The following IL2RB variants were observed in gnomAD, a reference collection of about 807,000 sequenced individuals.
IL2RB encodes the protein interleukin 2 receptor subunit beta.
IL2RB carries 17 observed loss-of-function variants against 44.2 expected under a neutral mutation model. The ratio of observed to expected loss-of-function variants is 0.38; its 90% CI spans 0.26 to 0.58. The LOEUF (loss-of-function observed/expected upper bound fraction) is 0.58, where lower values mean the gene tolerates loss of function less well. IL2RB is among the 20% of genes least tolerant of loss of function. IL2RB has a pLI of 0.63. For synonymous variants in IL2RB, 286 were observed against 297.9 expected (o/e 0.96, Z 0.41); for missense variants, 624 against 685.5 (o/e 0.91, Z 1.00).
At chr22:37,135,501 C>A in intron 7 of IL2RB, 59 bp from the exon 8 acceptor site, 1 of 1,116,692 alleles carries the variant, frequency 9.0e-7, no homozygotes, top group Non-Finnish European at 1.4e-6. Context: ...CTCACTCACC[C>A]TGGGTCGGTC....
rs544234698 is a variant in IL2RB at position 37,146,363 on chromosome 22, G to A, written c.-33-2158C>T. ...CCCATTTTCGAGGCTTTCTGGGACC[G>A]GAATGAGGTCAGCCCACCCTTCCAG... On this transcript the variant is annotated intron_variant, in intron 1 of 9. Transcript: ENST00000216223. Among the ~76,000 whole-genome samples the A allele has an allele frequency of 4.9e-4, 74 of 152,248 alleles. 1 individual carries two copies. The highest frequency in any genetic ancestry group is 3.2e-3 in the Admixed American group (49 of 15,296).
At chr22:37,155,137 C>G (rs150440445) in intron 1 of IL2RB, among the ~76,000 whole-genome samples, 16 of 152,130 alleles carry the variant, frequency 1.1e-4, no homozygotes, top group Non-Finnish European at 8.8e-5. Context: ...TGAGACAGTA[C>G]GCCAGCAGAA....
At chr22:37,158,863 C>T (rs572273112) in intron 1 of IL2RB, among the ~76,000 whole-genome samples, 8 of 152,286 alleles carry the variant, frequency 5.3e-5, no homozygotes, top group South Asian at 2.1e-4. Flanking sequence ...TCACCAGGCC[C>T]GTGGAACCAC....
chr22:37,156,712 G>C (rs530472387), intron 1 of IL2RB, among the ~76,000 whole-genome samples: 17 of 152,368 alleles, frequency 1.1e-4, no homozygotes, highest in African/African-American at 4.1e-4. Context: ...AAGCTGCAGA[G>C]GAGGCTGGGA....
At chr22:37,163,581 A>G (rs1468093258) in intron 1 of IL2RB, among the ~76,000 whole-genome samples, 1 of 152,156 alleles carries the variant, frequency 6.6e-6, no homozygotes, top group East Asian at 1.9e-4. Flanking sequence ...GAGGAATCCA[A>G]ACTGGGCACC....
At chr22:37,156,878 T>C (rs1347273994) in intron 1 of IL2RB, among the ~76,000 whole-genome samples, 1 of 152,182 alleles carries the variant, frequency 6.6e-6, no homozygotes, top group Non-Finnish European at 1.5e-5. Flanking sequence ...CTCAGCCAGC[T>C]GACACTGTCA....
intron 1 of IL2RB, among the ~76,000 whole-genome samples, chr22:37,160,375 T>C (rs1002368963): frequency 6.6e-6 from 1 of 152,184 alleles, no homozygotes; most frequent in Non-Finnish European, 1.5e-5. Flanking sequence ...CCACGCAGCA[T>C]GATCACTAAG....
intron 3 of IL2RB, 120 bp downstream of exon 3, chr22:37,143,400 AG>A: frequency 3.1e-6 from 2 of 654,134 alleles, no homozygotes; most frequent in Admixed American, 5.7e-5. Flanking sequence ...TGATTCAAAA[AG>A]TCTGTGGGTC....
rs1166141486 is a variant in IL2RB at position 37,141,931 on chromosome 22, C to T, written c.282+503G>A. On this transcript the variant is annotated intron_variant, in intron 4 of 9. Coordinates refer to ENST00000216223, the MANE Select transcript of IL2RB (RefSeq NM_000878.5). This position sits in a 1 kb window ranked among gnomAD's most constrained non-coding sequence, Gnocchi z 4.4. ...AGGCCCTTGTTGGGCCTTGACCCAA[C>T]AAGGTAGGTGCCATTATTATGCCCA... Among the ~76,000 whole-genome samples, 1 of 152,152 alleles carries T rather than the reference C, an allele frequency of 6.6e-6. No homozygotes were observed. The highest frequency in any genetic ancestry group is 2.4e-5 in the African/African-American group (1 of 41,434).
chr22:37,144,071 G>A lies in IL2RB; in HGVS notation c.88+14C>T, dbSNP rs1922107772. On this transcript the variant is annotated intron_variant, in intron 2 of 9. Transcript: ENST00000216223. The stretch of plus-strand genomic sequence containing the variant: ...ATAGGGAAAGCAGAGCTGTTCAGAT[G>A]TCAGGGTCCTCACCATTCACCGCTG... The A allele has an allele frequency of 6.4e-7, 1 of 1,551,724 alleles. No homozygotes were observed. The highest frequency in any genetic ancestry group is 8.7e-7 in the Non-Finnish European group (1 of 1,147,022).
chr22:37,162,437 G>A (rs1041003890), intron 1 of IL2RB, among the ~76,000 whole-genome samples: 6 of 152,192 alleles, frequency 3.9e-5, no homozygotes, highest in Non-Finnish European at 8.8e-5. Flanking sequence ...ACCTAAATGC[G>A]CACTTGGAAG....
At position 37,127,724 on chromosome 22, in the gene IL2RB, G is replaced by T. The variant is rs189536875; in HGVS notation, c.*372C>A. ...AGGAGGCTGGGGCAGAAAACCCAGGGAAGAGGTCAGGGCAGGGAGCCCTGG... is the reference window on the plus strand; with the variant it reads ...AGGAGGCTGGGGCAGAAAACCCAGGTAAGAGGTCAGGGCAGGGAGCCCTGG... On this transcript the variant is annotated 3_prime_UTR_variant, in exon 10 of 10. Coordinates refer to ENST00000216223, the MANE Select transcript of IL2RB (RefSeq NM_000878.5). 676 of 168,152 alleles carry T rather than the reference G, an allele frequency of 4.0e-3. 5 individuals carry two copies. The highest frequency in any genetic ancestry group is 0.015 in the African/African-American group (621 of 42,200). 10.4% of individuals were successfully genotyped at this position (168,152 alleles called of 1,614,324 possible).
chr22:37,168,808 G>A (rs1011833408), intron 1 of IL2RB, among the ~76,000 whole-genome samples: 1 of 152,206 alleles, frequency 6.6e-6, no homozygotes, highest in East Asian at 1.9e-4. Context: ...TATCACCAGA[G>A]CCTAATATTT....
At chr22:37,145,562 C>A (rs3218268) in intron 1 of IL2RB, among the ~76,000 whole-genome samples, 4,051 of 152,032 alleles carry the variant, frequency 0.027, 185 homozygotes, top group African/African-American at 0.092. Context: ...TCTGCAGGGG[C>A]TGGGTGTGCG....
chr22:37,169,886 C>T (rs1307870419), intron 1 of IL2RB, among the ~76,000 whole-genome samples: 1 of 152,192 alleles, frequency 6.6e-6, no homozygotes, highest in Non-Finnish European at 1.5e-5. Flanking sequence ...TTCTGCATTT[C>T]TTTATGCTGC....
At chr22:37,154,237 T>G (rs921921514), upstream of IL2RB, among the ~76,000 whole-genome samples, 3 of 152,216 alleles carry the variant, frequency 2.0e-5, no homozygotes, top group Non-Finnish European at 4.4e-5. Flanking sequence ...TTTGTTCTTT[T>G]GTCAAGGGTC....
intron 9 of IL2RB, among the ~76,000 whole-genome samples, chr22:37,130,487 G>T (rs944376661): frequency 3.9e-5 from 6 of 152,216 alleles, no homozygotes; most frequent in Non-Finnish European, 7.4e-5. Context: ...GTGGGTCCTA[G>T]GGTGGAGGGG....
intron 1 of IL2RB, among the ~76,000 whole-genome samples, chr22:37,170,989 T>G (rs1393062087): frequency 3.9e-5 from 6 of 152,050 alleles, no homozygotes; most frequent in South Asian, 2.1e-4. Context: ...GCTCTTTTTT[T>G]TGGGTGGGGA....
chr22:37,149,753 C>T (rs1435269341), intron 1 of IL2RB, 72 bp downstream of exon 1: 1 of 736,118 alleles, frequency 1.4e-6, no homozygotes, highest in Non-Finnish European at 1.7e-6. Context: ...AGCTGAAAGT[C>T]TTCTCTGTGA....
Sources: gnomAD v4.1 joint callset for allele counts (sites outside exome capture counted in the v4.1 genomes callset) on GRCh38, gnomAD v4.1.1 for gene constraint, Gnocchi (gnomAD v3.1) non-coding constraint, MANE v1.5 for transcripts, NCBI Gene and HGNC (gene_info 2026-07-23, HGNC 2026-07-21) for gene names.